PRIM2: variants seen among roughly 807,000 people sequenced by gnomAD.
PRIM2 encodes DNA primase subunit 2.
Under a neutral mutation model 67.3 loss-of-function variants are expected in PRIM2, and 39 were observed. The observed-to-expected ratio is 0.58, with a 90% CI of 0.45 to 0.76. The LOEUF (loss-of-function observed/expected upper bound fraction) is 0.76. Ranked by LOEUF, PRIM2 falls within the 30% of genes least tolerant of loss-of-function variation. The probability of loss-of-function intolerance (pLI) is 0.00; values close to 1 mark genes in which losing one functional copy is unlikely to be tolerated. For synonymous variants in PRIM2, 143 were observed against 198.7 expected (o/e 0.72, Z 2.36); for missense variants, 398 against 598.7 (o/e 0.66, Z 3.50).
At chr6:57,296,642 T>C in the PRIM2 span, among the ~76,000 whole-genome samples, 1 of 151,650 alleles carries the variant, frequency 6.6e-6, no homozygotes, top group Non-Finnish European at 1.5e-5. Flanking sequence ...AGGGGAGCAG[T>C]AGTGGTGGTG....
At chr6:57,335,148 T>C (rs1390558421) in intron 5 of PRIM2, among the ~76,000 whole-genome samples, 1 of 152,198 alleles carries the variant, frequency 6.6e-6, no homozygotes, top group Non-Finnish European at 1.5e-5. Flanking sequence ...ACTGTGCTTT[T>C]CCGACAGGCT....
At chr6:57,299,270 T>C in the PRIM2 span, among the ~76,000 whole-genome samples, 4 of 152,166 alleles carry the variant, frequency 2.6e-5, no homozygotes, top group South Asian at 2.1e-4. Flanking sequence ...GATTAACTGA[T>C]AGAATTTTCA....
At chr6:57,604,991 G>A (rs1482729616) in intron 11 of PRIM2, among the ~76,000 whole-genome samples, 95 of 152,236 alleles carry the variant, frequency 6.2e-4, no homozygotes, top group African/African-American at 2.1e-3. Flanking sequence ...CGCTTGGCCA[G>A]GATATTGGAT....
rs1156576933 is a variant in PRIM2 at position 57,642,435 on chromosome 6, C to CTTTTTTTTTT, written c.1300-3477_1300-3468dup. ...TATGCACATACCTTAAATATTATAT[C>CTTTTTTTTTT]TTTTTTTTTTTTTTTTTTTTTTTTT... is the stretch of plus-strand genomic sequence containing the variant. On this transcript the variant is annotated intron_variant, in intron 13 of 13. Coordinates refer to ENST00000615550, the MANE Select transcript of PRIM2 (RefSeq NM_000947.5). 5.1e-3 allele frequency among the ~76,000 whole-genome samples: 427 copies of CTTTTTTTTTT among 83,156 alleles called. 23 individuals carry two copies. Among genetic ancestry groups the CTTTTTTTTTT allele is most frequent in the Non-Finnish European group, 5.9e-3 (279 of 47,396 alleles). The allele number at this position is 83,156 out of a possible 152,430, so 54.6% of individuals were successfully genotyped here. A position where few individuals can be genotyped will look rare whatever the true frequency, so the allele number is the denominator to read the frequency against.
chr6:57,610,741 T>C (rs1306178200), intron 12 of PRIM2, among the ~76,000 whole-genome samples: 2 of 152,058 alleles, frequency 1.3e-5, no homozygotes, highest in African/African-American at 2.4e-5. Flanking sequence ...AAAAGAGAAC[T>C]AGACAAATCC....
intron 7 of PRIM2, among the ~76,000 whole-genome samples, chr6:57,438,250 AC>A (rs1437713792): frequency 3.0e-4 from 45 of 152,204 alleles, no homozygotes; most frequent in Non-Finnish European, 5.6e-4. Context: ...TTTCTCTGCA[AC>A]AATGTTTAGC....
intron 7 of PRIM2, among the ~76,000 whole-genome samples, chr6:57,473,954 T>C (rs1418965451): frequency 2.6e-5 from 4 of 151,954 alleles, no homozygotes; most frequent in Non-Finnish European, 5.9e-5. Flanking sequence ...GTTTTGAAAT[T>C]AGGATGATAG....
At chr6:57,568,783 C>T (rs1365604027) in intron 10 of PRIM2, among the ~76,000 whole-genome samples, 7 of 152,132 alleles carry the variant, frequency 4.6e-5, no homozygotes, top group African/African-American at 9.7e-5. Context: ...CAAATACATG[C>T]GTTTTCAACT....
At chr6:57,624,383 G>C (rs1413907396) in intron 12 of PRIM2, among the ~76,000 whole-genome samples, 2 of 152,070 alleles carry the variant, frequency 1.3e-5, no homozygotes, top group African/African-American at 4.8e-5. Flanking sequence ...TCAGTATTTT[G>C]GGTAGCAGGT....
chr6:57,302,832 C>T, the PRIM2 span, among the ~76,000 whole-genome samples: 4 of 152,074 alleles, frequency 2.6e-5, no homozygotes, highest in African/African-American at 7.2e-5. Context: ...TAAAGAAGAT[C>T]GTTTTCTAAG....
rs113189524 is a variant in PRIM2 at position 57,391,158 on chromosome 6, A to G, written c.693+8990A>G. Among the ~76,000 whole-genome samples the G allele has an allele frequency of 1.2e-3, 175 of 143,578 alleles. 3 individuals are homozygous for G. The East Asian group carries it at 0.016, about 13-fold the overall frequency. The allele number at this position is 143,578 out of a possible 152,430, so 94.2% of individuals were successfully genotyped here. ...ATCAATTGATACTGAACTTTTGTTC[A>G]TATGCTTCTTGGCCACATGTATGTC... is the stretch of plus-strand genomic sequence containing the variant. On this transcript the variant is annotated intron_variant, in intron 7 of 13. Transcript: ENST00000615550.
chr6:57,446,296 T>TG (rs1401098782), intron 7 of PRIM2, among the ~76,000 whole-genome samples: 2 of 151,432 alleles, frequency 1.3e-5, no homozygotes, highest in Non-Finnish European at 3.0e-5. Flanking sequence ...TTTGTTTTTT[T>TG]TTTTTTTAGA....
At chr6:57,604,777 G>A (rs1352720295) in intron 11 of PRIM2, among the ~76,000 whole-genome samples, 21,524 of 151,102 alleles carry the variant, frequency 0.14, 2,547 homozygotes, top group African/African-American at 0.33. Flanking sequence ...TGCAAGCTCC[G>A]CCTCCTGGGT....
At chr6:57,302,966 G>T in the PRIM2 span, among the ~76,000 whole-genome samples, 1 of 152,104 alleles carries the variant, frequency 6.6e-6, no homozygotes, top group South Asian at 2.1e-4. Context: ...TCTCAAACTT[G>T]AGTAATGTAA....
chr6:57,456,982 C>G (rs1394029251), intron 7 of PRIM2, among the ~76,000 whole-genome samples: 3 of 152,116 alleles, frequency 2.0e-5, no homozygotes, highest in Admixed American at 2.0e-4. Flanking sequence ...GATGTTCTTT[C>G]TGTTTGTTAG....
chr6:57,411,077 G>A (rs1447159008), intron 7 of PRIM2, among the ~76,000 whole-genome samples: 2 of 151,848 alleles, frequency 1.3e-5, no homozygotes, highest in Non-Finnish European at 2.9e-5. Context: ...ATGTCTTCAT[G>A]GTAATGAGTT....
chr6:57,298,411 A>G, the PRIM2 span, among the ~76,000 whole-genome samples: 1 of 151,948 alleles, frequency 6.6e-6, no homozygotes. Flanking sequence ...TTAGTTTTTT[A>G]AAAAAAACAT....
At position 57,644,635 on chromosome 6, in the gene PRIM2, A is replaced by G. The variant is rs1238519403; in HGVS notation, c.1300-1293A>G. 2.6e-5 allele frequency among the ~76,000 whole-genome samples: 4 copies of G among 152,346 alleles called. No homozygotes were observed. In the South Asian group the frequency reaches 6.2e-4, roughly 24 times the overall value. The stretch of plus-strand genomic sequence containing the variant: ...ACTATTTCTGGGTTCACTTCACCAA[A>G]TATTTATTAGATACCTACAGTGTGC... On this transcript the variant is annotated intron_variant, in intron 13 of 13. Transcript: ENST00000615550.
intron 7 of PRIM2, among the ~76,000 whole-genome samples, chr6:57,464,123 C>G (rs1259795436): frequency 6.6e-6 from 1 of 152,166 alleles, no homozygotes; most frequent in Non-Finnish European, 1.5e-5. Flanking sequence ...ATCTGCCTGA[C>G]TTGGTCACTT....
Sources: gnomAD v4.1 joint callset for allele counts (sites outside exome capture counted in the v4.1 genomes callset) on GRCh38, gnomAD v4.1.1 for gene constraint, MANE v1.5 for transcripts, NCBI Gene and HGNC (gene_info 2026-07-23, HGNC 2026-07-21) for gene names.